Variants in CDK13 observed in about 807,000 individuals in gnomAD.
CDK13 encodes the protein cyclin dependent kinase 13.
In CDK13, 40 loss-of-function variants were observed where a neutral mutation model predicts 137.6. The ratio of observed to expected loss-of-function variants is 0.29; its 90% CI spans 0.23 to 0.38. The LOEUF (loss-of-function observed/expected upper bound fraction) is 0.38. CDK13 is among the 10% of genes least tolerant of loss of function. The probability of loss-of-function intolerance (pLI) is 1.00; values close to 1 mark genes in which losing one functional copy is unlikely to be tolerated. For synonymous variants in CDK13, 869 were observed against 760.1 expected (o/e 1.14, Z -2.36); for missense variants, 1,704 against 1,951.8 (o/e 0.87, Z 2.39).
intron 5 of CDK13, among the ~76,000 whole-genome samples, chr7:40,038,895 G>A (rs557909045): frequency 5.9e-5 from 9 of 152,150 alleles, no homozygotes; most frequent in African/African-American, 1.4e-4. Context: ...GGGTTTCTTC[G>A]TGTTAGTTAG....
chr7:39,981,918 A>C (rs1256009433), intron 1 of CDK13, among the ~76,000 whole-genome samples: 1 of 150,518 alleles, frequency 6.6e-6, no homozygotes, highest in African/African-American at 2.4e-5. Flanking sequence ...CAGCCTCCCA[A>C]ATAGCTGGGA....
intron 2 of CDK13, among the ~76,000 whole-genome samples, chr7:39,992,175 T>TGTGC (rs1784475351): frequency 9.3e-6 from 1 of 107,664 alleles, no homozygotes; most frequent in Non-Finnish European, 2.4e-5. Flanking sequence ...TGTGTGTGTG[T>TGTGC]GTGTGTGTGT....
intron 6 of CDK13, among the ~76,000 whole-genome samples, chr7:40,046,846 AC>A (rs1308244527): frequency 6.6e-6 from 1 of 151,684 alleles, no homozygotes; most frequent in Non-Finnish European, 1.5e-5. Context: ...TACTAAAAAT[AC>A]AAAAATAAAC....
intron 7 of CDK13, among the ~76,000 whole-genome samples, chr7:40,055,014 T>G (rs1785980720): frequency 6.6e-6 from 1 of 152,162 alleles, no homozygotes; most frequent in Non-Finnish European, 1.5e-5. Flanking sequence ...GATCTCTATT[T>G]TAAAAAAAGT....
chr7:39,978,907 T>G (rs988108098), intron 1 of CDK13, among the ~76,000 whole-genome samples: 3 of 152,170 alleles, frequency 2.0e-5, no homozygotes, highest in Non-Finnish European at 4.4e-5. Flanking sequence ...GTACGGTGGA[T>G]GAAGGCACAG....
At chr7:39,987,128 A>G (rs1171717782) in intron 1 of CDK13, 1 of 152,486 alleles carries the variant, frequency 6.6e-6, no homozygotes, top group Non-Finnish European at 1.5e-5. Flanking sequence ...AACGAACTCT[A>G]AGAGACTCTA....
intron 7 of CDK13, among the ~76,000 whole-genome samples, chr7:40,055,042 A>G (rs9639820): frequency 0.3 from 45,072 of 152,004 alleles, 7,321 homozygotes; most frequent in Middle Eastern, 0.46. Flanking sequence ...GAAATGCACA[A>G]TAGTTAACGT....
At chr7:40,074,974 G>A (rs1054400812) in intron 9 of CDK13, among the ~76,000 whole-genome samples, 3 of 152,118 alleles carry the variant, frequency 2.0e-5, no homozygotes, top group Non-Finnish European at 4.4e-5. Flanking sequence ...GGCAGTAGTT[G>A]GTTCTAAATC....
intron 1 of CDK13, among the ~76,000 whole-genome samples, chr7:39,955,481 T>C (rs1787379090): frequency 6.6e-6 from 1 of 152,124 alleles, no homozygotes; most frequent in East Asian, 1.9e-4. Context: ...CATGGGCCAC[T>C]TACCACTTAA....
chr7:40,090,264 T>C (rs779297739), intron 12 of CDK13, among the ~76,000 whole-genome samples: 8 of 152,254 alleles, frequency 5.3e-5, no homozygotes, highest in Non-Finnish European at 1.2e-4. Flanking sequence ...AAAAAATGAT[T>C]TGCCCTTTCT....
At position 40,092,908 on chromosome 7, in the gene CDK13, C is replaced by CT. The variant is rs1442035320; in HGVS notation, c.3360dup (p.Glu1121Ter). On this transcript the variant is annotated frameshift_variant, in exon 13 of 14. Transcript: ENST00000181839. LOFTEE classifies it high-confidence loss of function. ...CAAGTGTTGAACATTAAGGTAAACT[C>CT]TGAGACTCAACAGCAGCTAAATAAA... is the stretch of plus-strand genomic sequence containing the variant. The CT allele has an allele frequency of 6.2e-7, 1 of 1,614,160 alleles. No homozygotes were observed. The highest frequency in any genetic ancestry group is 1.1e-5 in the South Asian group (1 of 91,082).
intron 5 of CDK13, among the ~76,000 whole-genome samples, chr7:40,044,659 C>T (rs1016228103): frequency 2.0e-4 from 30 of 151,754 alleles, no homozygotes; most frequent in African/African-American, 6.5e-4. Flanking sequence ...TTTTTTGAGA[C>T]GGAGTCTCGC....
At chr7:40,022,550 C>T (rs1484249949) in intron 5 of CDK13, among the ~76,000 whole-genome samples, 2 of 151,630 alleles carry the variant, frequency 1.3e-5, no homozygotes, top group African/African-American at 4.9e-5. Context: ...ATATACCAAA[C>T]ATTGTTCTAG....
chr7:39,951,911 G>GAAGGGA, intron 1 of CDK13, 59 bp downstream of exon 1: 2 of 1,316,074 alleles, frequency 1.5e-6, no homozygotes, highest in Non-Finnish European at 1.9e-6. Context: ...TCCCCAGGAG[G>GAAGGGA]AAGGGAAAGT....
rs1045151149 is a variant in CDK13 at position 39,997,733 on chromosome 7, A to C, written c.2042+69A>C. ...ATTCTGGGTCATCAGAAGTTCATAA[A>C]ACACTAAATTAAGGTTTAAAATAAA... On this transcript the variant is annotated intron_variant, in intron 3 of 13. Coordinates refer to ENST00000181839, the MANE Select transcript of CDK13 (RefSeq NM_003718.5). 2.6e-6 allele frequency: 3 copies of C among 1,137,374 alleles called. No homozygotes were observed. In the East Asian group the frequency reaches 7.3e-5, roughly 28 times the overall value. 70.5% of individuals were successfully genotyped at this position (1,137,374 alleles called of 1,614,324 possible).
At chr7:40,019,329 CAAACTT>C (rs1381007125) in intron 5 of CDK13, among the ~76,000 whole-genome samples, 1 of 152,074 alleles carries the variant, frequency 6.6e-6, no homozygotes, top group African/African-American at 2.4e-5. Context: ...TAAAATGTAA[CAAACTT>C]AAGCTAAAAT....
chr7:40,023,666 A>T (rs1785177521), intron 5 of CDK13, among the ~76,000 whole-genome samples: 1 of 151,432 alleles, frequency 6.6e-6, no homozygotes, highest in Non-Finnish European at 1.5e-5. Flanking sequence ...CGCCTGGCTA[A>T]TTTTTTGTAT....
intron 1 of CDK13, among the ~76,000 whole-genome samples, chr7:39,966,664 G>A (rs899797199): frequency 7.9e-5 from 12 of 152,160 alleles, no homozygotes; most frequent in South Asian, 4.1e-4. Context: ...GAGGAGCTGC[G>A]TTCCTTTGGA....
intron 9 of CDK13, among the ~76,000 whole-genome samples, chr7:40,076,079 T>C (rs1356046904): frequency 6.6e-6 from 1 of 152,232 alleles, no homozygotes; most frequent in Non-Finnish European, 1.5e-5. Context: ...CTTCACTCTT[T>C]CCCTAACTTA....
Sources: gnomAD v4.1 joint callset for allele counts (sites outside exome capture counted in the v4.1 genomes callset) on GRCh38, gnomAD v4.1.1 for gene constraint, MANE v1.5 for transcripts, NCBI Gene and HGNC (gene_info 2026-07-23, HGNC 2026-07-21) for gene names.